The following TGM3 variants were observed in gnomAD, a reference collection of about 807,000 sequenced individuals.
TGM3 encodes transglutaminase 3, also known as protein-glutamine gamma-glutamyltransferase E.
In TGM3, 52 loss-of-function variants were observed where a neutral mutation model predicts 73.8. The observed-to-expected ratio is 0.70, with a 90% CI of 0.56 to 0.89. The LOEUF is 0.89. TGM3 is among the 40% of genes least tolerant of loss of function. The pLI is 0.00. For synonymous variants in TGM3, 372 were observed against 354.9 expected (o/e 1.05, Z -0.54); for missense variants, 928 against 909.9 (o/e 1.02, Z -0.26).
intron 2 of TGM3, 142 bp from the exon 3 acceptor site, chr20:2,310,036 A>G: frequency 1.4e-6 from 2 of 1,403,250 alleles, no homozygotes; most frequent in South Asian, 2.6e-5. Flanking sequence ...TCTGGCCTGT[A>G]TGTTTGTTCC....
intron 3 of TGM3, 29 bp downstream of exon 3, chr20:2,310,446 C>A: frequency 6.2e-7 from 1 of 1,610,522 alleles, no homozygotes; most frequent in Non-Finnish European, 8.5e-7. Context: ...ACACTCTCAG[C>A]CCTGGCCTAA....
chr20:2,325,084 A>C (rs1264615252), intron 7 of TGM3, among the ~76,000 whole-genome samples: 1 of 152,190 alleles, frequency 6.6e-6, no homozygotes, highest in Non-Finnish European at 1.5e-5. Context: ...TCATGAGTAT[A>C]GAAATATTTT....
At chr20:2,296,364 T>C (rs1417166810) in intron 1 of TGM3, among the ~76,000 whole-genome samples, 1 of 152,086 alleles carries the variant, frequency 6.6e-6, no homozygotes, top group African/African-American at 2.4e-5. Flanking sequence ...CTTTGCCTTG[T>C]TTGTGTTTGC....
chr20:2,334,428 T>G lies in TGM3; in HGVS notation c.1643-688T>G, dbSNP rs565458148. Among the ~76,000 whole-genome samples the G allele has an allele frequency of 4.3e-4, 65 of 152,318 alleles. No homozygotes were observed. Among genetic ancestry groups the G allele is most frequent in the African/African-American group, 8.4e-4 (35 of 41,570 alleles). ...CGAAAAACAGCTTTCCAAAGCTTTG[T>G]CTGGCTGGTGTGTGGATGATTTAGA... On this transcript the variant is annotated intron_variant, in intron 10 of 12. Coordinates refer to ENST00000381458, the MANE Select transcript of TGM3 (RefSeq NM_003245.4). This position sits in a 1 kb window ranked among gnomAD's most constrained non-coding sequence, Gnocchi z 4.0.
At chr20:2,312,217 T>G (rs2084207880) in intron 4 of TGM3, among the ~76,000 whole-genome samples, 1 of 150,978 alleles carries the variant, frequency 6.6e-6, no homozygotes, top group African/African-American at 2.4e-5. Context: ...CTGGCCTATA[T>G]GGCAAAACCC....
intron 9 of TGM3, among the ~76,000 whole-genome samples, chr20:2,329,161 AT>A (rs1286426273): frequency 1.3e-5 from 2 of 152,216 alleles, no homozygotes; most frequent in Non-Finnish European, 2.9e-5. Context: ...ACTTTCTAAA[AT>A]GCTTTGAAAT....
intron 10 of TGM3, 62 bp from the exon 11 acceptor site, chr20:2,335,054 G>A: frequency 1.3e-6 from 2 of 1,595,386 alleles, no homozygotes; most frequent in Non-Finnish European, 1.7e-6. Flanking sequence ...CATCTGTTCT[G>A]AGGAAGGTTC....
rs1428296515 is a variant in TGM3 at position 2,310,388 on chromosome 20, T to G, written c.392T>G (p.Phe131Cys). 6.2e-7 allele frequency: 1 copy of G among 1,614,090 alleles called. No homozygotes were observed. The highest frequency in any genetic ancestry group is 8.5e-7 in the Non-Finnish European group (1 of 1,180,036). Residue 131 changes from phenylalanine (F) to cysteine (C), a missense_variant, in exon 3 of 13, where the codon TTC becomes TGC. Coordinates refer to ENST00000381458, the MANE Select transcript of TGM3 (RefSeq NM_003245.4). ...ATCTCCTCTGTGAAACTTGGGACGT[T>G]CATACTGCTTTTTAACCCCTGGCTG... Reference protein sequence around the residue: ...GGISSVKLGTFILLFNPWLNV... With the variant: ...GGISSVKLGTCILLFNPWLNV...
intron 7 of TGM3, among the ~76,000 whole-genome samples, chr20:2,321,891 T>G (rs2084264743): frequency 6.6e-6 from 1 of 152,218 alleles, no homozygotes; most frequent in Non-Finnish European, 1.5e-5. Flanking sequence ...AGTTGTTATC[T>G]GCTCTGCCTT....
At chr20:2,326,311 C>A (rs1339992038) in intron 8 of TGM3, among the ~76,000 whole-genome samples, 1 of 152,216 alleles carries the variant, frequency 6.6e-6, no homozygotes, top group Non-Finnish European at 1.5e-5. Context: ...GGGGTTTAGT[C>A]CACATTCTCC....
At chr20:2,331,721 G>T (rs1301348449) in intron 9 of TGM3, among the ~76,000 whole-genome samples, 1 of 152,086 alleles carries the variant, frequency 6.6e-6, no homozygotes, top group Non-Finnish European at 1.5e-5. Flanking sequence ...CCTAATTAAC[G>T]CAAGCAAATG....
At chr20:2,340,014 GCAGGAGGGCGGGA>G in intron 12 of TGM3, 27 bp downstream of exon 12, 1 of 1,497,616 alleles carries the variant, frequency 6.7e-7, no homozygotes, top group Non-Finnish European at 9.1e-7. Context: ...AGTGGCCGGT[GCAGGAGGGCGGGA>G]GGGGGCGGGG....
chr20:2,323,203 C>T (rs894453745), intron 7 of TGM3, among the ~76,000 whole-genome samples: 1 of 152,162 alleles, frequency 6.6e-6, no homozygotes, highest in Admixed American at 6.5e-5. Context: ...TCTTTTATCC[C>T]TCACCCCCTT....
intron 7 of TGM3, among the ~76,000 whole-genome samples, chr20:2,323,673 G>A (rs894703161): frequency 1.3e-5 from 2 of 152,176 alleles, no homozygotes; most frequent in African/African-American, 4.8e-5. Flanking sequence ...TCCCACCAGT[G>A]GGGTATGACA....
chr20:2,310,133 T>G, intron 2 of TGM3, 45 bp from the exon 3 acceptor site: 1 of 1,609,924 alleles, frequency 6.2e-7, no homozygotes, highest in Non-Finnish European at 8.5e-7. Flanking sequence ...CTCCACAGTC[T>G]GACCAGTGCT....
intron 7 of TGM3, among the ~76,000 whole-genome samples, chr20:2,320,787 C>T (rs981252632): frequency 1.3e-5 from 2 of 152,222 alleles, no homozygotes; most frequent in African/African-American, 4.8e-5. Context: ...GGAGCCTATT[C>T]AGCCACCGAG....
In TGM3 at chr20:2,328,522, A is replaced by G. The variant is rs2084303161; in HGVS notation, c.1333+157A>G. 6.6e-6 allele frequency among the ~76,000 whole-genome samples: 1 copy of G among 152,222 alleles called. No homozygotes were observed. On this transcript the variant is annotated intron_variant, in intron 9 of 12. Coordinates refer to ENST00000381458, the MANE Select transcript of TGM3 (RefSeq NM_003245.4). The surrounding 1 kb of genome is among the most constrained non-coding windows in gnomAD (Gnocchi z 5.2). Reference sequence around the variant, plus strand: ...CCCTAGCACCTAACATCCACCTCCCAGGACTGTTTCCGGAGGGAACAAAAC... The same window carrying G: ...CCCTAGCACCTAACATCCACCTCCCGGGACTGTTTCCGGAGGGAACAAAAC...
chr20:2,303,676 G>A (rs1328993529), intron 1 of TGM3, among the ~76,000 whole-genome samples: 1 of 152,172 alleles, frequency 6.6e-6, no homozygotes, highest in African/African-American at 2.4e-5. Context: ...GCCTGGGAAA[G>A]TAGTGCCTGC....
intron 7 of TGM3, among the ~76,000 whole-genome samples, chr20:2,322,460 A>G (rs765047322): frequency 6.6e-6 from 1 of 152,160 alleles, no homozygotes; most frequent in Non-Finnish European, 1.5e-5. Context: ...CATTCTCCCT[A>G]TGTCATTAAA....
Sources: allele counts gnomAD v4.1 joint callset (sites outside exome capture counted in the v4.1 genomes callset), GRCh38; gene constraint gnomAD v4.1.1; non-coding constraint Gnocchi (gnomAD v3.1); transcripts MANE v1.5; gene names NCBI Gene and HGNC (gene_info 2026-07-23, HGNC 2026-07-21).